SEMA3A: variants seen among roughly 807,000 people sequenced by gnomAD.
SEMA3A encodes the protein semaphorin 3A.
SEMA3A carries 29 observed loss-of-function variants against 97.9 expected under a neutral mutation model. The ratio of observed to expected loss-of-function variants is 0.30; its 90% confidence interval spans 0.22 to 0.40. The LOEUF (loss-of-function observed/expected upper bound fraction) is 0.40. SEMA3A is among the 10% of genes least tolerant of loss of function. The pLI, the probability that SEMA3A is intolerant of heterozygous loss-of-function variation, is 1.00. For missense variants in SEMA3A, 763 were observed against 951.3 expected, an observed-to-expected ratio of 0.80 and a Z score of 2.60; for synonymous variants, 321 against 323.7, an observed-to-expected ratio of 0.99 and a Z score of 0.09.
At chr7:84,058,769 C>A (rs1411070491) in intron 5 of SEMA3A, among the ~76,000 whole-genome samples, 1 of 152,146 alleles carries the variant, frequency 6.6e-6, no homozygotes, top group Non-Finnish European at 1.5e-5. Flanking sequence ...TTCTTTCTAG[C>A]CACGTCCTCT....
chr7:84,380,719 G>A (rs1384583614), intron 1 of SEMA3A, among the ~76,000 whole-genome samples: 1 of 152,158 alleles, frequency 6.6e-6, no homozygotes, highest in Non-Finnish European at 1.5e-5. Context: ...GGAGTCAGCA[G>A]GGCTGAGTTC....
intron 11 of SEMA3A, among the ~76,000 whole-genome samples, 181 bp downstream of exon 11, chr7:84,005,158 G>A (rs1464928796): frequency 6.6e-6 from 1 of 152,094 alleles, no homozygotes; most frequent in Non-Finnish European, 1.5e-5. Flanking sequence ...TTATAGGTAA[G>A]GCTTCCAGTC....
chr7:84,303,631 C>T (rs1801080751), intron 3 of SEMA3A, among the ~76,000 whole-genome samples: 1 of 151,930 alleles, frequency 6.6e-6, no homozygotes, highest in South Asian at 2.1e-4. Context: ...TTTTCAACTT[C>T]ACAATGATGC....
At chr7:84,208,193 C>A (rs1311821389) in intron 3 of SEMA3A, among the ~76,000 whole-genome samples, 1 of 152,112 alleles carries the variant, frequency 6.6e-6, no homozygotes, top group Non-Finnish European at 1.5e-5. Flanking sequence ...TGGCTCATGA[C>A]TGTAATCTCA....
intron 16 of SEMA3A, among the ~76,000 whole-genome samples, chr7:83,962,359 T>G (rs1385850148): frequency 1.3e-5 from 2 of 152,170 alleles, no homozygotes; most frequent in Non-Finnish European, 2.9e-5. Flanking sequence ...TTTTGAATAT[T>G]TGTAACCTCA....
intron 6 of SEMA3A, among the ~76,000 whole-genome samples, chr7:84,021,797 G>C (rs931613395): frequency 1.3e-5 from 2 of 152,130 alleles, no homozygotes; most frequent in Non-Finnish European, 2.9e-5. Context: ...TCTTTTGAAA[G>C]AAGGAATTAC....
At chr7:84,094,356 G>T (rs2057845) in intron 4 of SEMA3A, among the ~76,000 whole-genome samples, 63,112 of 149,938 alleles carry the variant, frequency 0.42, 14,888 homozygotes, top group Admixed American at 0.53. Context: ...TGTTATACTT[G>T]CACTGATCTT....
chr7:84,436,083 G>T (rs181801361), intron 1 of SEMA3A, among the ~76,000 whole-genome samples: 2 of 152,248 alleles, frequency 1.3e-5, no homozygotes, highest in African/African-American at 4.8e-5. Flanking sequence ...AATGGGGAAA[G>T]AACTTCCTAT....
At chr7:84,000,864 T>C (rs970452699) in intron 12 of SEMA3A, among the ~76,000 whole-genome samples, 3 of 152,162 alleles carry the variant, frequency 2.0e-5, no homozygotes, top group African/African-American at 7.2e-5. Flanking sequence ...TAACATTGTA[T>C]ATAGGTATGA....
In SEMA3A at chr7:84,080,672, C is replaced by T; in HGVS notation, c.454-20114G>A. ...CTGCAAGCTCCGCCTCCCGGGTTCA[C>T]GCCATTCTCCTGCCTCAGCCTCCCA... On this transcript the variant is annotated intron_variant, in intron 4 of 16. Transcript: ENST00000265362. Among the ~76,000 whole-genome samples, 2 of 16,566 alleles carry T rather than the reference C, an allele frequency of 1.2e-4. 1 individual carries two copies. The highest frequency in any genetic ancestry group is 1.8e-3 in the Admixed American group (2 of 1,096). The allele number at this position is 16,566 out of a possible 152,430, so 10.9% of individuals were successfully genotyped here.
chr7:84,456,655 T>C (rs968538102), intron 1 of SEMA3A, among the ~76,000 whole-genome samples: 1 of 151,954 alleles, frequency 6.6e-6, no homozygotes, highest in Non-Finnish European at 1.5e-5. Flanking sequence ...GTAAAGTCTT[T>C]AGAAAATAAT....
At chr7:84,148,759 C>G (rs1445350342) in intron 1 of SEMA3A, among the ~76,000 whole-genome samples, 1 of 152,208 alleles carries the variant, frequency 6.6e-6, no homozygotes, top group Non-Finnish European at 1.5e-5. Flanking sequence ...CCTCCTCCAG[C>G]TACTCGACAA....
chr7:84,140,332 T>A (rs1796260389), intron 1 of SEMA3A, among the ~76,000 whole-genome samples: 1 of 152,092 alleles, frequency 6.6e-6, no homozygotes, highest in African/African-American at 2.4e-5. Context: ...TTTGCAAGAG[T>A]GCCCAGAACT....
In SEMA3A at chr7:84,446,976, C is replaced by T. The variant is rs781730248; in HGVS notation, c.-246+45484G>A. On this transcript the variant is annotated intron_variant, in intron 1 of 3. Transcript: ENST00000424555. ...CCACAGCTGGGGACCCAGGCATCCC[C>T]GCACTCTCAAGGCCTGGGAAAACCC... Among the ~76,000 whole-genome samples the T allele has an allele frequency of 5.3e-4, 81 of 152,294 alleles. 1 individual carries two copies. The highest frequency in any genetic ancestry group is 6.8e-4 in the Non-Finnish European group (46 of 68,020).
intron 2 of SEMA3A, among the ~76,000 whole-genome samples, chr7:84,329,848 C>G (rs1801870639): frequency 6.6e-6 from 1 of 151,996 alleles, no homozygotes; most frequent in East Asian, 1.9e-4. Context: ...TTTGTGCTTT[C>G]ACATGGGGTC....
chr7:84,147,098 A>G (rs1796485790), intron 1 of SEMA3A, among the ~76,000 whole-genome samples: 1 of 152,228 alleles, frequency 6.6e-6, no homozygotes, highest in South Asian at 2.1e-4. Flanking sequence ...TTTTAAAAAA[A>G]GAAAGCACAT....
In SEMA3A at chr7:84,381,114, G is replaced by A. The variant is rs146421220; in HGVS notation, c.-245-9214C>T. The stretch of plus-strand genomic sequence containing the variant: ...GGATGGAATAATTTTCCTTTCTTTC[G>A]TTCTTGGAGTTTTCCATATTTTAAA... On this transcript the variant is annotated intron_variant, in intron 1 of 3. Coordinates refer to the SEMA3A transcript ENST00000424555. 2.1e-3 allele frequency among the ~76,000 whole-genome samples: 325 copies of A among 152,152 alleles called. 4 individuals are homozygous for A. The highest frequency in any genetic ancestry group is 4.6e-3 in the African/African-American group (192 of 41,504).
chr7:84,276,244 A>G (rs1162128271), intron 3 of SEMA3A, among the ~76,000 whole-genome samples: 1 of 152,120 alleles, frequency 6.6e-6, no homozygotes, highest in Non-Finnish European at 1.5e-5. Flanking sequence ...AAAGATGAAC[A>G]TGAACAAAGT....
intron 1 of SEMA3A, among the ~76,000 whole-genome samples, chr7:84,393,438 C>T (rs1411908326): frequency 1.3e-5 from 2 of 152,122 alleles, no homozygotes; most frequent in African/African-American, 4.8e-5. Context: ...TACCTGATTT[C>T]AAACTATAGT....
Sources: allele counts gnomAD v4.1 joint callset (sites outside exome capture counted in the v4.1 genomes callset), GRCh38; gene constraint gnomAD v4.1.1; transcripts MANE v1.5; gene names NCBI Gene and HGNC (gene_info 2026-07-23, HGNC 2026-07-21).